The following PCDH15 variants were observed in gnomAD, a reference collection of about 807,000 sequenced individuals.
PCDH15 encodes protocadherin-15.
PCDH15 carries 129 observed loss-of-function variants against 178.5 expected under a neutral mutation model. That is an observed-to-expected ratio of 0.72 (90% CI 0.63 to 0.84). PCDH15 has a LOEUF of 0.84. PCDH15 is among the 40% of genes least tolerant of loss of function. PCDH15 has a pLI of 0.00. For synonymous variants in PCDH15, 800 were observed against 732.0 expected, an observed-to-expected ratio of 1.09 and a Z score of -1.50; for missense variants, 2,230 against 2,099.9, an observed-to-expected ratio of 1.06 and a Z score of -1.21.
At chr10:54,479,781 A>G (rs1182587514) in intron 3 of PCDH15, among the ~76,000 whole-genome samples, 1 of 152,066 alleles carries the variant, frequency 6.6e-6, no homozygotes, top group African/African-American at 2.4e-5. Flanking sequence ...ATTTGAAAAA[A>G]TAATACTGTT....
chr10:53,891,090 A>AT (rs11437258), intron 26 of PCDH15, among the ~76,000 whole-genome samples: 101,022 of 151,930 alleles, frequency 0.66, 34,316 homozygotes, highest in East Asian at 0.88. Context: ...CATTTTCCTC[A>AT]TTTTTTCCCC....
chr10:54,357,190 G>A (rs1435885975), intron 5 of PCDH15, among the ~76,000 whole-genome samples: 2 of 152,032 alleles, frequency 1.3e-5, no homozygotes, highest in Admixed American at 6.6e-5. Context: ...GAAATAAAGG[G>A]TATTCAATTA....
At chr10:54,802,379 T>C (rs967713786), upstream of PCDH15, among the ~76,000 whole-genome samples, 2 of 152,232 alleles carry the variant, frequency 1.3e-5, no homozygotes, top group African/African-American at 4.8e-5. Flanking sequence ...AAATGTGTTA[T>C]ACATTTTAAA....
chr10:55,421,888 C>G (rs1393688532), intron 2 of PCDH15, among the ~76,000 whole-genome samples: 1 of 151,676 alleles, frequency 6.6e-6, no homozygotes, highest in Non-Finnish European at 1.5e-5. Flanking sequence ...CCTATATGCA[C>G]AGTTGACAAC....
intron 18 of PCDH15, among the ~76,000 whole-genome samples, chr10:54,047,059 A>C (rs151230183): frequency 6.6e-6 from 1 of 152,276 alleles, no homozygotes; most frequent in East Asian, 1.9e-4. Flanking sequence ...GATCTCATAA[A>C]TAAGTAATGT....
chr10:54,157,283 C>T (rs545022621), intron 13 of PCDH15, among the ~76,000 whole-genome samples: 67 of 152,378 alleles, frequency 4.4e-4, no homozygotes, highest in African/African-American at 1.6e-3. Flanking sequence ...TCTGGGCAAC[C>T]AGGTGTTTCC....
chr10:54,465,670 C>A (rs1481260764), intron 3 of PCDH15, among the ~76,000 whole-genome samples: 1 of 151,886 alleles, frequency 6.6e-6, no homozygotes, highest in African/African-American at 2.4e-5. Context: ...GATTCCATAT[C>A]TCTGTTATTG....
intron 32 of PCDH15, chr10:53,822,283 G>A: frequency 6.2e-7 from 1 of 1,613,368 alleles, no homozygotes; most frequent in Non-Finnish European, 8.5e-7. Flanking sequence ...AGAGGAGTTG[G>A]AAATGGAGGT....
chr10:55,016,087 C>T (rs767543955), intron 2 of PCDH15, among the ~76,000 whole-genome samples: 971 of 71,072 alleles, frequency 0.014, 4 homozygotes, highest in African/African-American at 0.067. Flanking sequence ...ACCTCAATGA[C>T]CTTTTTTTTT....
chr10:55,212,307 A>C (rs1477939138), intron 1 of PCDH15, among the ~76,000 whole-genome samples: 1 of 150,808 alleles, frequency 6.6e-6, no homozygotes, highest in Non-Finnish European at 1.5e-5. Flanking sequence ...TCACCTCTTC[A>C]CCAGCTCATC....
chr10:54,058,330 A>T (rs1202605020), intron 18 of PCDH15, among the ~76,000 whole-genome samples: 2 of 152,202 alleles, frequency 1.3e-5, no homozygotes, highest in Non-Finnish European at 2.9e-5. Context: ...AGTCTAATTG[A>T]CTCACAGTTT....
intron 2 of PCDH15, among the ~76,000 whole-genome samples, chr10:55,507,897 T>TA (rs1161216688): frequency 4.0e-5 from 6 of 151,632 alleles, no homozygotes; most frequent in East Asian, 1.9e-4. Context: ...TCTGGCTAAT[T>TA]AAAAAAACAT....
chr10:54,156,675 A>G (rs1453296048), intron 13 of PCDH15, among the ~76,000 whole-genome samples: 1 of 152,142 alleles, frequency 6.6e-6, no homozygotes, highest in Non-Finnish European at 1.5e-5. Context: ...TTTCAAAACC[A>G]ATCATGCTTT....
At chr10:54,266,827 T>A (rs4561112) in intron 8 of PCDH15, among the ~76,000 whole-genome samples, 106,522 of 151,532 alleles carry the variant, frequency 0.7, 38,322 homozygotes, top group Middle Eastern at 0.77. Context: ...ACTAGATGAA[T>A]TCATAGCTGA....
intron 2 of PCDH15, among the ~76,000 whole-genome samples, chr10:55,523,487 C>A (rs569344714): frequency 1.3e-5 from 2 of 151,616 alleles, no homozygotes; most frequent in East Asian, 3.9e-4. Flanking sequence ...ACCTTGCTTA[C>A]CTATCGTTTT....
chr10:55,591,176 C>T lies in PCDH15; in HGVS notation c.-156+36449G>A, dbSNP rs145114789. ...ATAAAATATTTAAGGTTATGATAGG[C>T]AGTCCTGGTGTGGTGGCTCACACCT... On this transcript the variant is annotated intron_variant, in intron 2 of 5. Coordinates refer to the PCDH15 transcript ENST00000613346. 3.8e-3 allele frequency among the ~76,000 whole-genome samples: 577 copies of T among 152,122 alleles called. 3 individuals carry two copies. Among genetic ancestry groups the T allele is most frequent in the African/African-American group, 0.013 (555 of 41,524 alleles).
intron 3 of PCDH15, among the ~76,000 whole-genome samples, chr10:54,391,274 C>T (rs1467930976): frequency 6.6e-6 from 1 of 152,164 alleles, no homozygotes; most frequent in African/African-American, 2.4e-5. Context: ...TGATGCCACA[C>T]CTGGCAAAAA....
upstream of PCDH15, among the ~76,000 whole-genome samples, chr10:55,324,080 C>T (rs532585133): frequency 3.6e-4 from 55 of 152,232 alleles, 1 homozygote; most frequent in South Asian, 0.011. Flanking sequence ...TGTTGTAAGA[C>T]ATGCCTTTGC....
At chr10:54,110,381 G>GA (rs947084094) in intron 15 of PCDH15, among the ~76,000 whole-genome samples, 1 of 151,050 alleles carries the variant, frequency 6.6e-6, no homozygotes, top group Non-Finnish European at 1.5e-5. Context: ...GTTTTAGTGT[G>GA]AACTCATAGG....
Sources: gnomAD v4.1 joint callset for allele counts (sites outside exome capture counted in the v4.1 genomes callset) on GRCh38, gnomAD v4.1.1 for gene constraint, MANE v1.5 for transcripts, NCBI Gene and HGNC (gene_info 2026-07-23, HGNC 2026-07-21) for gene names.